PRH1: variants seen among roughly 807,000 people sequenced by gnomAD.
PRH1 encodes the protein salivary acidic proline-rich phosphoprotein 1/2.
Under a neutral mutation model 7.9 loss-of-function variants are expected in PRH1, and 7 were observed. That is an observed-to-expected ratio of 0.89 (90% confidence interval 0.50 to 1.67). The LOEUF (loss-of-function observed/expected upper bound fraction) is 1.67, where lower values mean the gene tolerates loss of function less well. Among genes scored for constraint, PRH1 ranks in the 40% most tolerant of loss-of-function variants. PRH1 has a pLI of 0.00. For synonymous variants in PRH1, 45 were observed against 80.8 expected (o/e 0.56, Z 2.38); for missense variants, 109 against 223.6 (o/e 0.49, Z 3.27).
intron 1 of PRH1, chr12:11,134,177 G>A: frequency 6.2e-7 from 1 of 1,613,938 alleles, no homozygotes; most frequent in Non-Finnish European, 8.5e-7. Context: ...GAAGCCATTA[G>A]CAAAATTTCC....
intron 2 of PRH1, among the ~76,000 whole-genome samples, chr12:10,939,685 G>A (rs941778130): frequency 7.3e-5 from 11 of 151,692 alleles, no homozygotes; most frequent in Non-Finnish European, 1.3e-4. Context: ...GTGTTTGGGT[G>A]GAGAAAAATG....
At chr12:10,946,328 C>T (rs1314182987) in intron 2 of PRH1, among the ~76,000 whole-genome samples, 4 of 152,178 alleles carry the variant, frequency 2.6e-5, no homozygotes, top group Non-Finnish European at 5.9e-5. Flanking sequence ...GCCATGGCTT[C>T]AGCTGGTCCC....
intron 2 of PRH1, chr12:10,930,417 C>A: frequency 6.7e-7 from 1 of 1,487,242 alleles, no homozygotes; most frequent in Non-Finnish European, 9.3e-7. Flanking sequence ...TATCAGTGCC[C>A]CAGAGATATA....
intron 1 of PRH1, among the ~76,000 whole-genome samples, chr12:10,981,266 C>T (rs11054128): frequency 6.6e-6 from 1 of 151,946 alleles, no homozygotes; most frequent in African/African-American, 2.4e-5. Flanking sequence ...TCCATATTAT[C>T]TGAGACTTTT....
rs557473193 is a variant in PRH1 at position 11,108,911 on chromosome 12, T to G, written n.124-61723A>C. On this transcript the variant is annotated intron_variant and non_coding_transcript_variant, in intron 1 of 4. Coordinates refer to the PRH1 transcript ENST00000541977. Reference sequence around the variant, plus strand: ...CTCCTTGGAGCCCAGCAAGCTAAGATCCACTGGTTTGACATTCTCACTGCT... The same window carrying G: ...CTCCTTGGAGCCCAGCAAGCTAAGAGCCACTGGTTTGACATTCTCACTGCT... Among the ~76,000 whole-genome samples the G allele has an allele frequency of 3.9e-5, 6 of 152,252 alleles. No homozygotes were observed. In the East Asian group the frequency reaches 1.2e-3, roughly 29 times the overall value.
chr12:11,048,524 G>T (rs200173754), upstream of PRH1: 78,770 of 355,446 alleles, frequency 0.22, 11 homozygotes, highest in South Asian at 0.39. Context: ...GATGTGATTA[G>T]ACACAGAAAG....
At position 10,994,984 on chromosome 12, in the gene PRH1, A is replaced by T. The variant is rs140029723; in HGVS notation, c.-125-21263T>A. ...TTTGTCTTTGTGTCACACATCTGAT[A>T]TAGCTGCATCACTGCTATATTATAG... On this transcript the variant is annotated intron_variant, in intron 1 of 3. Transcript: ENST00000539853. 3.8e-3 allele frequency among the ~76,000 whole-genome samples: 579 copies of T among 152,312 alleles called. 3 individuals are homozygous for T. Among genetic ancestry groups the T allele is most frequent in the African/African-American group, 0.013 (542 of 41,578 alleles).
At chr12:11,145,165 G>T (rs1216316619) in intron 1 of PRH1, among the ~76,000 whole-genome samples, 2 of 152,074 alleles carry the variant, frequency 1.3e-5, no homozygotes, top group African/African-American at 4.8e-5. Flanking sequence ...ACCTACACAT[G>T]TGCCTATACT....
chr12:11,119,989 T>G (rs1945846700), downstream of PRH1, among the ~76,000 whole-genome samples: 1 of 152,216 alleles, frequency 6.6e-6, no homozygotes, highest in Non-Finnish European at 1.5e-5. Context: ...GTAAAAAGGA[T>G]GTATATGACT....
intron 1 of PRH1, among the ~76,000 whole-genome samples, chr12:11,065,433 T>C (rs948042711): frequency 9.0e-6 from 1 of 111,022 alleles, no homozygotes; most frequent in Non-Finnish European, 2.1e-5. Flanking sequence ...TGCAGAAGTA[T>C]GTTAGTTGTT....
intron 2 of PRH1, among the ~76,000 whole-genome samples, chr12:10,923,619 T>C (rs1271469151): frequency 1.3e-5 from 2 of 152,244 alleles, no homozygotes; most frequent in Non-Finnish European, 2.9e-5. Flanking sequence ...AGGAAAGTTT[T>C]TGTGGCACAA....
chr12:11,161,166 A>G (rs780644998), intron 1 of PRH1, among the ~76,000 whole-genome samples: 2 of 121,248 alleles, frequency 1.6e-5, no homozygotes, highest in Non-Finnish European at 3.9e-5. Flanking sequence ...CCCCAAGGCA[A>G]TCTTGGAAGC....
chr12:11,061,872 A>C (rs757579125), intron 1 of PRH1: 2 of 1,613,990 alleles, frequency 1.2e-6, no homozygotes, highest in Non-Finnish European at 1.7e-6. Flanking sequence ...AAAGATGACA[A>C]ACCAAAAATA....
At chr12:10,960,244 C>T (rs114241550) in intron 2 of PRH1, among the ~76,000 whole-genome samples, 2,312 of 152,326 alleles carry the variant, frequency 0.015, 21 homozygotes, top group South Asian at 0.031. Flanking sequence ...TCAGCCAGTT[C>T]TCAGGACTGA....
chr12:10,989,360 C>T (rs1209356442), intron 1 of PRH1, among the ~76,000 whole-genome samples: 2 of 152,048 alleles, frequency 1.3e-5, no homozygotes, highest in African/African-American at 4.8e-5. Context: ...TTAGTTGATA[C>T]ATATTTGGGG....
intron 1 of PRH1, among the ~76,000 whole-genome samples, chr12:11,017,788 G>C (rs1033351353): frequency 6.6e-6 from 1 of 151,894 alleles, no homozygotes; most frequent in Non-Finnish European, 1.5e-5. Flanking sequence ...CCACCATGCC[G>C]AGCAGAAACA....
At chr12:11,074,325 A>G (rs1235308900) in intron 1 of PRH1, among the ~76,000 whole-genome samples, 1 of 147,364 alleles carries the variant, frequency 6.8e-6, no homozygotes, top group African/African-American at 2.5e-5. Flanking sequence ...TTTGGAGCAG[A>G]AAGTGGACAT....
upstream of PRH1, among the ~76,000 whole-genome samples, chr12:10,885,280 G>A (rs1258515260): frequency 6.6e-6 from 1 of 152,022 alleles, no homozygotes; most frequent in Non-Finnish European, 1.5e-5. Flanking sequence ...TTCTCACCAA[G>A]GATTTTTATC....
rs1944519895 is a variant in PRH1 at position 11,082,158 on chromosome 12, T to C, written n.124-34970A>G. Among the ~76,000 whole-genome samples, 2 of 115,590 alleles carry C rather than the reference T, an allele frequency of 1.7e-5. 1 individual carries two copies. Among genetic ancestry groups the C allele is most frequent in the African/African-American group, 5.8e-5 (2 of 34,654 alleles). 75.8% of individuals were successfully genotyped at this position (115,590 alleles called of 152,430 possible). ...TGTAAATATTTCAAAAATAAATCATTTAATAAGACAGATGTAAATGTAGAT... is the reference window on the plus strand; with the variant it reads ...TGTAAATATTTCAAAAATAAATCATCTAATAAGACAGATGTAAATGTAGAT... On this transcript the variant is annotated intron_variant and non_coding_transcript_variant, in intron 1 of 4. Transcript: ENST00000541977.
Sources: allele counts gnomAD v4.1 joint callset (sites outside exome capture counted in the v4.1 genomes callset), GRCh38; gene constraint gnomAD v4.1.1; transcripts MANE v1.5; gene names NCBI Gene and HGNC (gene_info 2026-07-23, HGNC 2026-07-21).